Variants in CGRRF1 observed in about 807,000 individuals in gnomAD.
The protein encoded by CGRRF1 is cell growth regulator with ring finger domain 1, also known as cell growth regulator with RING finger domain protein 1.
CGRRF1 carries 32 observed loss-of-function variants against 37.2 expected under a neutral mutation model. The ratio of observed to expected loss-of-function variants is 0.86; its 90% CI spans 0.65 to 1.16. The LOEUF (loss-of-function observed/expected upper bound fraction) is 1.16. CGRRF1 is among the 50% of genes most tolerant of loss of function. The probability of loss-of-function intolerance (pLI) is 0.00; values close to 1 mark genes in which losing one functional copy is unlikely to be tolerated. For missense variants in CGRRF1, 391 were observed against 382.6 expected, an observed-to-expected ratio of 1.02 and a Z score of -0.18; for synonymous variants, 141 against 140.3, an observed-to-expected ratio of 1.00 and a Z score of -0.04.
chr14:54,522,637 CTT>C, intron 2 of CGRRF1, 44 bp downstream of exon 2: 2 of 1,522,412 alleles, frequency 1.3e-6, no homozygotes, highest in Non-Finnish European at 1.8e-6. Flanking sequence ...TGTTTGCCCT[CTT>C]TTTTTAGCCC....
chr14:54,526,469 T>TA (rs201457011), intron 2 of CGRRF1, among the ~76,000 whole-genome samples: 32 of 148,252 alleles, frequency 2.2e-4, no homozygotes, highest in East Asian at 2.0e-3. Context: ...AATTTATAAT[T>TA]AAAAAAAAAA....
At position 54,510,010 on chromosome 14, in the gene CGRRF1, C is replaced by A. The variant is rs1253214649; in HGVS notation, c.51C>A (p.Tyr17Ter). 2 of 1,614,002 alleles carry A rather than the reference C, an allele frequency of 1.2e-6. No individual in the cohort carries two copies. The highest frequency in any genetic ancestry group is 1.3e-5 in the African/African-American group (1 of 75,046). Reference sequence around the variant, plus strand: ...TTTATGAATACTCGCCGCTTTTCTACATCGCGGTGGTCTTTACCTGCTTCA... The same window carrying A: ...TTTATGAATACTCGCCGCTTTTCTAAATCGCGGTGGTCTTTACCTGCTTCA... ...VTLYEYSPLFYIAVVFTCFIV... is the reference protein window; with the variant it reads ...VTLYEYSPLF The change falls in exon 1 of 6, where the codon TAC becomes TAA. Residue 17 changes from tyrosine to a stop codon, truncating the protein, a stop_gained. Transcript: ENST00000216420. LOFTEE classifies it high-confidence loss of function.
chr14:54,527,344 G>C (rs1395802921), intron 2 of CGRRF1, among the ~76,000 whole-genome samples: 1 of 152,090 alleles, frequency 6.6e-6, no homozygotes, highest in Admixed American at 6.5e-5. Context: ...AAAGATTATA[G>C]AGATATACCT....
At chr14:54,529,581 T>C (rs893153875) in intron 2 of CGRRF1, among the ~76,000 whole-genome samples, 6 of 152,236 alleles carry the variant, frequency 3.9e-5, no homozygotes, top group Non-Finnish European at 7.3e-5. Context: ...GCTCAGTTTC[T>C]TTTTAATATT....
intron 5 of CGRRF1, 81 bp downstream of exon 5, chr14:54,537,910 A>G (rs946365029): frequency 5.9e-6 from 9 of 1,523,278 alleles, no homozygotes; most frequent in Non-Finnish European, 7.9e-6. Flanking sequence ...AAAGGTGATT[A>G]TATTTTTCAG....
chr14:54,516,168 A>G (rs1013260496), intron 1 of CGRRF1, among the ~76,000 whole-genome samples: 3 of 152,170 alleles, frequency 2.0e-5, no homozygotes, highest in African/African-American at 7.2e-5. Flanking sequence ...CTAACTTATC[A>G]CCATCTACCT....
rs746928433 is a variant in CGRRF1 at position 54,539,154 on chromosome 14, C to T, written c.*771C>T. Reference sequence around the variant, plus strand: ...TTTAATGCCTTACCTTAGATTTCTGCCTGCACAGCAAATCCATCCAGAACT... The same window carrying T: ...TTTAATGCCTTACCTTAGATTTCTGTCTGCACAGCAAATCCATCCAGAACT... On this transcript the variant is annotated 3_prime_UTR_variant, in exon 6 of 6. Coordinates refer to ENST00000216420, the MANE Select transcript of CGRRF1 (RefSeq NM_006568.3). 3.3e-5 allele frequency: 5 copies of T among 152,104 alleles called. No homozygotes were observed. Among genetic ancestry groups the T allele is most frequent in the Non-Finnish European group, 7.4e-5 (5 of 68,012 alleles). 9.4% of individuals were successfully genotyped at this position (152,104 alleles called of 1,614,324 possible).
chr14:54,520,655 A>T (rs2032301487), intron 1 of CGRRF1, among the ~76,000 whole-genome samples: 1 of 152,242 alleles, frequency 6.6e-6, no homozygotes, highest in Non-Finnish European at 1.5e-5. Flanking sequence ...AGAAGGATAC[A>T]GCATTTATTC....
intron 2 of CGRRF1, among the ~76,000 whole-genome samples, chr14:54,526,172 C>A (rs1421731014): frequency 9.0e-6 from 1 of 111,136 alleles, no homozygotes; most frequent in African/African-American, 3.5e-5. Context: ...TTTTTTGAGA[C>A]GGAGTCTCGC....
intron 1 of CGRRF1, among the ~76,000 whole-genome samples, chr14:54,519,361 TTAAG>T (rs2032275561): frequency 6.6e-6 from 1 of 151,088 alleles, no homozygotes; most frequent in African/African-American, 2.4e-5. Flanking sequence ...CCTCAGCCTC[TTAAG>T]TAGCTGGGAC....
At chr14:54,529,883 A>G (rs533367844) in intron 2 of CGRRF1, among the ~76,000 whole-genome samples, 166 bp from the exon 3 acceptor site, 7 of 152,324 alleles carry the variant, frequency 4.6e-5, no homozygotes, top group Admixed American at 3.9e-4. Flanking sequence ...ATCTCTTGTT[A>G]CAGAGGCCAG....
At chr14:54,527,572 A>G (rs1185136664) in intron 2 of CGRRF1, among the ~76,000 whole-genome samples, 1 of 152,110 alleles carries the variant, frequency 6.6e-6, no homozygotes, top group East Asian at 1.9e-4. Context: ...CCAGTTGTCA[A>G]AGGTCTCTGA....
chr14:54,527,039 T>C (rs974354719), intron 2 of CGRRF1, among the ~76,000 whole-genome samples: 6 of 152,224 alleles, frequency 3.9e-5, no homozygotes, highest in African/African-American at 1.4e-4. Flanking sequence ...TTGCTTGTTA[T>C]AGATAGTCTG....
chr14:54,525,001 C>G (rs905378118), intron 2 of CGRRF1, among the ~76,000 whole-genome samples: 6 of 152,064 alleles, frequency 3.9e-5, no homozygotes, highest in African/African-American at 1.2e-4. Context: ...AAGCCGTGAT[C>G]ACACCACTTC....
intron 2 of CGRRF1, among the ~76,000 whole-genome samples, chr14:54,528,206 CTTTT>C (rs758797153): frequency 5.2e-5 from 5 of 96,282 alleles, no homozygotes; most frequent in African/African-American, 7.6e-5. Context: ...TACCTCAATT[CTTTT>C]TTTTTTTTTT....
At position 54,537,790 on chromosome 14, in the gene CGRRF1, A is replaced by G. The variant is rs777752778; in HGVS notation, c.639A>G (p.Gln213=). Residue 213 remains glutamine, a synonymous_variant, in exon 5 of 6, where the codon CAA becomes CAG. Coordinates refer to ENST00000216420, the MANE Select transcript of CGRRF1 (RefSeq NM_006568.3). ...TYKLSCRILY[Q]YLLLAQGQFH... is the part of the protein sequence containing the mutation. ...AACTATCCTGCAGAATATTGTATCAATATTTACTCTTGGCTCAAGGTCAAT... is the reference window on the plus strand; with the variant it reads ...AACTATCCTGCAGAATATTGTATCAGTATTTACTCTTGGCTCAAGGTCAAT... 4.1e-5 allele frequency: 66 copies of G among 1,602,680 alleles called. No individual in the cohort carries two copies. The East Asian group carries it at 1.3e-3, about 32-fold the overall frequency.
At position 54,530,988 on chromosome 14, in the gene CGRRF1, C is replaced by T. The variant is rs770090765; in HGVS notation, c.508C>T (p.Arg170Cys). The T allele has an allele frequency of 2.5e-6, 4 of 1,611,848 alleles. No individual in the cohort carries two copies. Among genetic ancestry groups the T allele is most frequent in the African/African-American group, 1.3e-5 (1 of 74,860 alleles). The part of the protein sequence containing the change: ...IEDFGTVPRS[R>C]YPLVALLTLA... ...AGACTTTGGTACAGTACCCAGATCT[C>T]GCTATCCATTGGTAGCGCTATTGAC... is the stretch of plus-strand genomic sequence containing the variant. Residue 170 changes from arginine to cysteine, a missense_variant, in exon 4 of 6, where the codon CGC (arginine) becomes TGC (cysteine). Coordinates refer to ENST00000216420, the MANE Select transcript of CGRRF1 (RefSeq NM_006568.3).
intron 1 of CGRRF1, among the ~76,000 whole-genome samples, chr14:54,513,618 A>ATGTTATGTTATGTAATGTT (rs1566506197): frequency 5.0e-5 from 3 of 59,480 alleles, no homozygotes; most frequent in Admixed American, 1.6e-4. Context: ...TATGTTATGT[A>ATGTTATGTTATGTAATGTT]ATGTTATGTT....
At chr14:54,522,635 C>A in intron 2 of CGRRF1, 42 bp downstream of exon 2, 1 of 1,541,146 alleles carries the variant, frequency 6.5e-7, no homozygotes, top group Admixed American at 2.2e-5. Context: ...ATTGTTTGCC[C>A]TCTTTTTTTA....
Sources: allele counts gnomAD v4.1 joint callset (sites outside exome capture counted in the v4.1 genomes callset), GRCh38; gene constraint gnomAD v4.1.1; transcripts MANE v1.5; gene names NCBI Gene and HGNC (gene_info 2026-07-23, HGNC 2026-07-21).